PTPRR: variants seen among roughly 807,000 people sequenced by gnomAD.
The protein encoded by PTPRR is receptor-type tyrosine-protein phosphatase R.
In PTPRR, 38 loss-of-function variants were observed where a neutral mutation model predicts 77.2. The observed-to-expected ratio is 0.49, with a 90% CI of 0.38 to 0.65. The LOEUF (loss-of-function observed/expected upper bound fraction) is 0.65. PTPRR is among the 30% of genes least tolerant of loss of function. PTPRR has a pLI of 0.00. For missense variants in PTPRR, 744 were observed against 799.2 expected, an observed-to-expected ratio of 0.93 and a Z score of 0.83; for synonymous variants, 299 against 283.1, an observed-to-expected ratio of 1.06 and a Z score of -0.57.
intron 4 of PTPRR, among the ~76,000 whole-genome samples, chr12:70,760,524 T>A (rs538751709): frequency 6.6e-6 from 1 of 152,308 alleles, no homozygotes; most frequent in East Asian, 1.9e-4. Context: ...GGAAGATGGC[T>A]CACTCACATC....
At chr12:70,920,220 T>A in intron 1 of PTPRR, 113 bp downstream of exon 1, 1 of 1,200,182 alleles carries the variant, frequency 8.3e-7, no homozygotes, top group South Asian at 1.3e-5. Context: ...ACTGTCCTGT[T>A]TTACCTTTTT....
chr12:70,863,423 T>C (rs1054574916), intron 2 of PTPRR, among the ~76,000 whole-genome samples: 1 of 152,178 alleles, frequency 6.6e-6, no homozygotes, highest in South Asian at 2.1e-4. Context: ...CCTACTTTTA[T>C]GTAATGTTAC....
chr12:70,662,211 T>C (rs577397460), intron 11 of PTPRR, among the ~76,000 whole-genome samples: 1 of 152,232 alleles, frequency 6.6e-6, no homozygotes, highest in South Asian at 2.1e-4. Context: ...AGTTAAAAGC[T>C]TTCAAAAGGT....
chr12:70,820,514 T>C (rs779620924), intron 2 of PTPRR, among the ~76,000 whole-genome samples: 15 of 152,212 alleles, frequency 9.9e-5, no homozygotes, highest in Non-Finnish European at 1.8e-4. Context: ...TTTGTATTTT[T>C]AGTAGCGACG....
Position 70,679,389 on chromosome 12 carries a change from A to G in PTPRR, c.1497+4738T>C, listed in dbSNP as rs374972409. On this transcript the variant is annotated intron_variant, in intron 10 of 13. Transcript: ENST00000283228. ...AGTTGTTGGGTGAAATATTCTGTAA[A>G]TATCTGTTAGGTCCAATTGGTCTAT... 6.6e-5 allele frequency among the ~76,000 whole-genome samples: 10 copies of G among 152,248 alleles called. No homozygotes were observed. The South Asian group carries it at 1.5e-3, about 22-fold the overall frequency.
At chr12:70,917,666 C>T (rs376128280) in intron 1 of PTPRR, among the ~76,000 whole-genome samples, 3 of 152,230 alleles carry the variant, frequency 2.0e-5, no homozygotes, top group South Asian at 4.1e-4. Flanking sequence ...AGCCAGAATG[C>T]GAGTCATAAT....
At chr12:70,696,281 G>C (rs1261767724) in intron 8 of PTPRR, among the ~76,000 whole-genome samples, 2 of 151,716 alleles carry the variant, frequency 1.3e-5, no homozygotes, top group Non-Finnish European at 2.9e-5. Context: ...TATGCACTGA[G>C]CATAATTACC....
intron 2 of PTPRR, among the ~76,000 whole-genome samples, chr12:70,864,610 G>T (rs1420069121): frequency 6.6e-6 from 1 of 152,114 alleles, no homozygotes; most frequent in African/African-American, 2.4e-5. Flanking sequence ...TCCATTATGT[G>T]CCAGTCACTC....
intron 6 of PTPRR, among the ~76,000 whole-genome samples, chr12:70,739,726 T>C (rs901906505): frequency 6.6e-6 from 1 of 152,210 alleles, no homozygotes; most frequent in African/African-American, 2.4e-5. Flanking sequence ...TGAGAATTTA[T>C]AGGTGTTATA....
At chr12:70,887,368 C>T (rs1592815700) in intron 2 of PTPRR, among the ~76,000 whole-genome samples, 1 of 152,058 alleles carries the variant, frequency 6.6e-6, no homozygotes, top group African/African-American at 2.4e-5. Flanking sequence ...AGGAGAATTG[C>T]TTGAACCCAG....
At chr12:70,715,659 G>A (rs1413030153) in intron 6 of PTPRR, among the ~76,000 whole-genome samples, 3 of 152,274 alleles carry the variant, frequency 2.0e-5, no homozygotes, top group East Asian at 3.9e-4. Flanking sequence ...AGAATTCAGC[G>A]ATATTTCTCC....
intron 2 of PTPRR, among the ~76,000 whole-genome samples, chr12:70,785,458 A>G (rs112446527): frequency 0.013 from 1,931 of 152,244 alleles, 50 homozygotes; most frequent in African/African-American, 0.044. Context: ...AAATTACATG[A>G]AGAACTTTTG....
intron 2 of PTPRR, among the ~76,000 whole-genome samples, chr12:70,869,098 T>C (rs1205175159): frequency 6.6e-6 from 1 of 150,466 alleles, no homozygotes; most frequent in Non-Finnish European, 1.5e-5. Context: ...GACGAGTTAA[T>C]GGGTGCAGCA....
At chr12:70,810,142 G>T (rs556084062) in intron 2 of PTPRR, among the ~76,000 whole-genome samples, 2 of 152,138 alleles carry the variant, frequency 1.3e-5, no homozygotes, top group East Asian at 3.9e-4. Context: ...TATAAATACC[G>T]CCAGGTAAGC....
intron 2 of PTPRR, among the ~76,000 whole-genome samples, chr12:70,835,226 T>A (rs529209306): frequency 1.4e-4 from 21 of 152,170 alleles, no homozygotes; most frequent in Admixed American, 1.3e-3. Context: ...AGAGACTATA[T>A]GCATAAATGC....
At chr12:70,661,213 T>TG (rs1886788397) in intron 11 of PTPRR, 116 bp from the exon 12 acceptor site, 2 of 1,380,090 alleles carry the variant, frequency 1.4e-6, no homozygotes, top group African/African-American at 1.4e-5. Flanking sequence ...TATTTCTAGG[T>TG]GGGAAAAAAA....
intron 2 of PTPRR, chr12:70,788,798 C>T: frequency 6.8e-7 from 1 of 1,468,240 alleles, no homozygotes; most frequent in Non-Finnish European, 9.2e-7. Flanking sequence ...CTCTGCCTAT[C>T]ATGAGAGATT....
At chr12:70,874,089 C>G (rs1565726557) in intron 2 of PTPRR, among the ~76,000 whole-genome samples, 1 of 152,166 alleles carries the variant, frequency 6.6e-6, no homozygotes, top group African/African-American at 2.4e-5. Context: ...CCTTTATTAA[C>G]TAAGATACTT....
rs1277076016 is a variant in PTPRR, at chr12:70,885,558, G to A, written c.357+7121C>T. ...GATTTTTTTTTTTTTTTTTTGAGAC[G>A]GAGTCTTGCTCTGTTGCCCAGGCTG... On this transcript the variant is annotated intron_variant, in intron 2 of 13. Transcript: ENST00000283228. Among the ~76,000 whole-genome samples, 51 of 136,438 alleles carry A rather than the reference G, an allele frequency of 3.7e-4. 1 individual carries two copies. The Middle Eastern group carries it at 0.014, about 36-fold the overall frequency. The allele number at this position is 136,438 out of a possible 152,430, so 89.5% of individuals were successfully genotyped here. A position where few individuals can be genotyped will look rare whatever the true frequency, so the allele number is the denominator to read the frequency against.
Sources: gnomAD v4.1 joint callset for allele counts (sites outside exome capture counted in the v4.1 genomes callset) on GRCh38, gnomAD v4.1.1 for gene constraint, MANE v1.5 for transcripts, NCBI Gene and HGNC (gene_info 2026-07-23, HGNC 2026-07-21) for gene names.